MEIS2: variants seen among roughly 807,000 people sequenced by gnomAD.
The protein encoded by MEIS2 is homeobox protein Meis2.
MEIS2 carries 9 observed loss-of-function variants against 58.6 expected under a neutral mutation model. That is an observed-to-expected ratio of 0.15 (90% CI 0.09 to 0.27). The LOEUF (loss-of-function observed/expected upper bound fraction) is 0.27, where lower values mean the gene tolerates loss of function less well. Among genes scored for constraint, MEIS2 ranks in the 10% least tolerant of loss-of-function variants. The pLI, the probability that MEIS2 is intolerant of heterozygous loss-of-function variation, is 1.00. For synonymous variants in MEIS2, 221 were observed against 228.4 expected (o/e 0.97, Z 0.29); for missense variants, 427 against 635.0 (o/e 0.67, Z 3.52).
chr15:36,896,840 A>G, intron 9 of MEIS2, 154 bp from the exon 10 acceptor site: 2 of 653,698 alleles, frequency 3.1e-6, no homozygotes, highest in Non-Finnish European at 5.3e-6. Flanking sequence ...GCGTTCAAAA[A>G]TAGTTGACTG....
chr15:37,067,542 G>C (rs1353975654), intron 7 of MEIS2, among the ~76,000 whole-genome samples: 2 of 151,150 alleles, frequency 1.3e-5, no homozygotes, highest in Non-Finnish European at 2.9e-5. Context: ...TCAGACTCTG[G>C]TCTGCTGAGC....
At chr15:37,060,204 G>C (rs1889018501) in intron 7 of MEIS2, among the ~76,000 whole-genome samples, 2 of 152,134 alleles carry the variant, frequency 1.3e-5, no homozygotes, top group East Asian at 3.9e-4. Context: ...GCCTCCCAAA[G>C]CACTGGGATT....
intron 7 of MEIS2, among the ~76,000 whole-genome samples, chr15:37,072,273 G>C (rs956306010): frequency 2.0e-5 from 3 of 152,010 alleles, no homozygotes; most frequent in African/African-American, 7.2e-5. Flanking sequence ...GGTTTCCCAG[G>C]CATATGGCCT....
At chr15:36,900,498 T>G (rs2056413088) in intron 9 of MEIS2, among the ~76,000 whole-genome samples, 1 of 152,186 alleles carries the variant, frequency 6.6e-6, no homozygotes, top group South Asian at 2.1e-4. Flanking sequence ...TCCTTAAAAA[T>G]TATATACTAA....
At chr15:37,077,913 G>A (rs1004014831) in intron 7 of MEIS2, among the ~76,000 whole-genome samples, 1 of 152,082 alleles carries the variant, frequency 6.6e-6, no homozygotes, top group African/African-American at 2.4e-5. Flanking sequence ...CACGCCACCA[G>A]AGCTTTCCCG....
chr15:36,959,306 G>A (rs1595812992), intron 8 of MEIS2, among the ~76,000 whole-genome samples: 3 of 152,106 alleles, frequency 2.0e-5, no homozygotes, highest in Non-Finnish European at 1.5e-5. Flanking sequence ...CATATCCTAC[G>A]TCTTTCTTTG....
In MEIS2 at chr15:37,099,483, A is replaced by C; in HGVS notation, c.-17T>G. 1 of 1,613,984 alleles carries C rather than the reference A, an allele frequency of 6.2e-7. No individual in the cohort carries two copies. The highest frequency in any genetic ancestry group is 8.5e-7 in the Non-Finnish European group (1 of 1,180,000). ...TTGCGCCATCAGTCTGCGCTCCAAT[A>C]AACTCCTGGATGTGTCGTATATTTA... On this transcript the variant is annotated 5_prime_UTR_variant, in exon 1 of 12. Transcript: ENST00000561208.
rs537879792 is a variant in MEIS2 at position 36,983,885 on chromosome 15, G to A, written c.901-33485C>T. On this transcript the variant is annotated intron_variant, in intron 8 of 11. Transcript: ENST00000561208. ...CCTACTTGGTTTATTTTTTTCCTAA[G>A]TATTTAATTGTTTTAGATGCTATGG... Among the ~76,000 whole-genome samples, 10 of 151,992 alleles carry A rather than the reference G, an allele frequency of 6.6e-5. No individual in the cohort carries two copies. In the East Asian group the frequency reaches 1.7e-3, roughly 26 times the overall value.
chr15:37,096,200 T>C (rs1894222345), intron 3 of MEIS2, 89 bp downstream of exon 3: 1 of 1,394,932 alleles, frequency 7.2e-7, no homozygotes, highest in Admixed American at 2.3e-5. Flanking sequence ...AGGGTGTCCC[T>C]GGCCTTTCCT....
At chr15:37,086,010 G>T (rs1218123223) in intron 6 of MEIS2, among the ~76,000 whole-genome samples, 2 of 152,202 alleles carry the variant, frequency 1.3e-5, no homozygotes, top group Non-Finnish European at 2.9e-5. Context: ...GACAACACAG[G>T]CTAGAGGCTT....
At chr15:36,907,981 T>C (rs1377895412) in intron 9 of MEIS2, among the ~76,000 whole-genome samples, 2 of 152,168 alleles carry the variant, frequency 1.3e-5, no homozygotes, top group African/African-American at 4.8e-5. Flanking sequence ...AAATAAATTA[T>C]AGTTCTAACA....
rs952645480 is a variant in MEIS2, at chr15:36,889,444, G to A, written c.*2729C>T. ...TATCACTTCTCTGTGTTATCATGGGGTTGGGGGTGGGGGAGAGCAAGGTAA... is the reference window on the plus strand; with the variant it reads ...TATCACTTCTCTGTGTTATCATGGGATTGGGGGTGGGGGAGAGCAAGGTAA... On this transcript the variant is annotated 3_prime_UTR_variant, in exon 12 of 12. Transcript: ENST00000561208. The A allele has an allele frequency of 1.3e-5, 2 of 152,058 alleles. No individual in the cohort carries two copies. The highest frequency in any genetic ancestry group is 2.9e-5 in the Non-Finnish European group (2 of 68,016). 9.4% of individuals were successfully genotyped at this position (152,058 alleles called of 1,614,324 possible).
At chr15:36,949,217 T>C (rs1476995840) in intron 9 of MEIS2, among the ~76,000 whole-genome samples, 3 of 150,948 alleles carry the variant, frequency 2.0e-5, no homozygotes, top group Non-Finnish European at 4.4e-5. Context: ...AAAAATTGCC[T>C]GACAGATAAG....
chr15:36,940,308 C>T (rs1025843300), intron 9 of MEIS2, among the ~76,000 whole-genome samples: 3 of 152,082 alleles, frequency 2.0e-5, no homozygotes, highest in East Asian at 3.9e-4. Context: ...TCTTCTTTCC[C>T]TACTTAAACC....
chr15:37,016,317 T>C (rs1262955184), intron 8 of MEIS2, among the ~76,000 whole-genome samples: 1 of 126,526 alleles, frequency 7.9e-6, no homozygotes, highest in East Asian at 2.4e-4. Context: ...TTTTTGTTCT[T>C]TTTTCTATTT....
intron 8 of MEIS2, among the ~76,000 whole-genome samples, chr15:37,034,520 C>T (rs1016046313): frequency 1.6e-4 from 25 of 152,192 alleles, no homozygotes; most frequent in African/African-American, 5.5e-4. Context: ...CGTAGCACAG[C>T]AGAGGTACAA....
intron 5 of MEIS2, 77 bp downstream of exon 5, chr15:37,094,450 G>T: frequency 7.0e-7 from 1 of 1,428,400 alleles, no homozygotes; most frequent in Non-Finnish European, 9.8e-7. Context: ...CACACTAGAG[G>T]TTTGTTAAAA....
Position 37,099,566 on chromosome 15 carries a change from A to G in MEIS2, c.-100T>C. 6.6e-7 allele frequency: 1 copy of G among 1,504,766 alleles called. No homozygotes were observed. The highest frequency in any genetic ancestry group is 9.1e-7 in the Non-Finnish European group (1 of 1,102,668). The allele number at this position is 1,504,766 out of a possible 1,614,324, so 93.2% of individuals were successfully genotyped here. A position where few individuals can be genotyped will look rare whatever the true frequency, so the allele number is the denominator to read the frequency against. ...CTGAAGATTCCTTTTTTTTTTTTCCAAACCAAAGAGACTTCTCCCAATTCT... is the reference window on the plus strand; with the variant it reads ...CTGAAGATTCCTTTTTTTTTTTTCCGAACCAAAGAGACTTCTCCCAATTCT... On this transcript the variant is annotated 5_prime_UTR_variant, in exon 1 of 12. Coordinates refer to ENST00000561208, the MANE Select transcript of MEIS2 (RefSeq NM_170675.5).
chr15:37,052,726 C>A (rs1303304735), intron 7 of MEIS2, among the ~76,000 whole-genome samples: 5 of 152,132 alleles, frequency 3.3e-5, no homozygotes, highest in Admixed American at 6.5e-5. Context: ...TTCGAAAGAC[C>A]CATTCACATA....
Sources: gnomAD v4.1 joint callset for allele counts (sites outside exome capture counted in the v4.1 genomes callset) on GRCh38, gnomAD v4.1.1 for gene constraint, MANE v1.5 for transcripts, NCBI Gene and HGNC (gene_info 2026-07-23, HGNC 2026-07-21) for gene names.